Variants in ENTPD5 observed in about 807,000 individuals in gnomAD.
The protein encoded by ENTPD5 is nucleoside diphosphate phosphatase ENTPD5.
A neutral mutation model predicts 60.2 loss-of-function variants in ENTPD5; 49 were observed. That is an observed-to-expected ratio of 0.81 (90% CI 0.65 to 1.03). The LOEUF is 1.03. Ranked by LOEUF, ENTPD5 falls within the 50% of genes least tolerant of loss-of-function variation. The pLI is 0.00. For missense variants in ENTPD5, 480 were observed against 507.6 expected (o/e 0.95, Z 0.52); for synonymous variants, 187 against 185.4 (o/e 1.01, Z -0.07).
intron 14 of ENTPD5, among the ~76,000 whole-genome samples, chr14:73,971,097 A>C (rs1162870269): frequency 6.6e-6 from 1 of 152,074 alleles, no homozygotes; most frequent in Non-Finnish European, 1.5e-5. Context: ...TTTAAAAAAG[A>C]AAGCAAGAAA....
intron 5 of ENTPD5, among the ~76,000 whole-genome samples, chr14:73,984,186 C>T (rs1243933078): frequency 6.6e-6 from 1 of 152,178 alleles, no homozygotes; most frequent in Non-Finnish European, 1.5e-5. Context: ...CGCCACAGCA[C>T]CTGGCTGATT....
chr14:73,976,191 C>T (rs2057436412), intron 9 of ENTPD5, 133 bp downstream of exon 9: 1 of 849,276 alleles, frequency 1.2e-6, no homozygotes, highest in Admixed American at 2.2e-5. Flanking sequence ...AGGGAACATT[C>T]ACCTAGTTAT....
chr14:73,958,214 C>T (rs767117446), downstream of ENTPD5: 46 of 1,613,934 alleles, frequency 2.9e-5, no homozygotes, highest in South Asian at 2.1e-4. Flanking sequence ...TTCCTATGGC[C>T]GACTCCAGCC....
chr14:73,988,116 T>C lies in ENTPD5; in HGVS notation c.-14A>G. ...AGAAGTGGCCATTCTTTTCCCAAGA[T>C]GTGGCTGGGTGGAGGCTTTTGTTGC... On this transcript the variant is annotated 5_prime_UTR_variant, in exon 4 of 16. Transcript: ENST00000334696. The C allele has an allele frequency of 1.3e-6, 2 of 1,599,134 alleles. No homozygotes were observed. Among genetic ancestry groups the C allele is most frequent in the Middle Eastern group, 2.2e-4 (1 of 4,634 alleles).
At chr14:73,972,747 C>T in intron 13 of ENTPD5, 137 bp downstream of exon 13, 1 of 1,005,688 alleles carries the variant, frequency 9.9e-7, no homozygotes, top group South Asian at 1.8e-5. Flanking sequence ...AAGTCATTTC[C>T]ACCCTTTTGT....
intron 5 of ENTPD5, among the ~76,000 whole-genome samples, chr14:73,985,944 T>C (rs2057884045): frequency 6.6e-6 from 1 of 151,622 alleles, no homozygotes; most frequent in South Asian, 2.1e-4. Flanking sequence ...TGGTGGCACA[T>C]GCCTGTAGTC....
downstream of ENTPD5, chr14:73,959,579 TTG>T (rs1594806495): frequency 4.3e-6 from 7 of 1,612,888 alleles, no homozygotes; most frequent in Middle Eastern, 1.7e-4. Context: ...CAGAAAGGTG[TTG>T]TTTTTTTTTT....
At chr14:74,004,269 G>C (rs1302117460) in intron 3 of ENTPD5, among the ~76,000 whole-genome samples, 4 of 152,058 alleles carry the variant, frequency 2.6e-5, no homozygotes, top group African/African-American at 7.2e-5. Context: ...CTGGGTTCAA[G>C]TGATTCTCCT....
intron 11 of ENTPD5, 114 bp from the exon 12 acceptor site, chr14:73,974,092 C>A: frequency 1.3e-6 from 1 of 772,582 alleles, no homozygotes; most frequent in Non-Finnish European, 2.2e-6. Context: ...GCCTTAAAAT[C>A]CTATGAAATT....
In ENTPD5 at chr14:73,984,923, G is replaced by A. The variant is rs966317483; in HGVS notation, c.298-1762C>T. On this transcript the variant is annotated intron_variant, in intron 5 of 15. Transcript: ENST00000334696. ...CTCCCGCCACCCCACGACAGGCCCCGGTGTGTGATGTTCCCCACCCTGTGT... is the reference window on the plus strand; with the variant it reads ...CTCCCGCCACCCCACGACAGGCCCCAGTGTGTGATGTTCCCCACCCTGTGT... Among the ~76,000 whole-genome samples, 11 of 152,110 alleles carry A rather than the reference G, an allele frequency of 7.2e-5. No individual in the cohort carries two copies. The East Asian group carries it at 7.7e-4, about 11-fold the overall frequency.
In ENTPD5 at chr14:73,983,116, T is replaced by C. The variant is rs2057758555; in HGVS notation, c.343A>G (p.Ile115Val). 2 of 1,614,030 alleles carry C rather than the reference T, an allele frequency of 1.2e-6. No homozygotes were observed. The highest frequency in any genetic ancestry group is 3.3e-5 in the Admixed American group (2 of 59,998). The change falls in exon 6 of 16, where the codon ATC becomes GTC. Residue 115 changes from isoleucine to valine, a missense_variant. By Grantham distance (29) the Ile-to-Val change is conservative (BLOSUM62 3). Coordinates refer to ENST00000334696, the MANE Select transcript of ENTPD5 (RefSeq NM_001249.5). ...GTCTTTTTCCAGTGACTTCGGGGGA[T>C]TGAGTCTTTGGCCACCTCTAAGAGC... ...QGLLEVAKDS[I>V]PRSHWKKTPV...
chr14:74,018,889 G>A (rs45538635), intron 1 of ENTPD5: 15,318 of 152,604 alleles, frequency 0.1, 840 homozygotes, highest in South Asian at 0.18. Flanking sequence ...AATCAGCAAG[G>A]GTGAAAAGCC....
At chr14:73,962,640 G>T, downstream of ENTPD5, 1 of 253,484 alleles carries the variant, frequency 3.9e-6, no homozygotes, top group Non-Finnish European at 7.5e-6. Context: ...TCATCCCTGA[G>T]AACTTCCATT....
intron 1 of ENTPD5, among the ~76,000 whole-genome samples, chr14:74,017,045 G>A (rs78010061): frequency 0.011 from 1,704 of 152,328 alleles, 37 homozygotes; most frequent in African/African-American, 0.038. Context: ...TCGGCCAGGC[G>A]TGGTGGCTCA....
chr14:73,962,872 G>T, downstream of ENTPD5: 1 of 1,025,716 alleles, frequency 9.7e-7, no homozygotes, highest in South Asian at 1.4e-5. Context: ...ATAAAACAAG[G>T]ACACTTGGGA....
intron 12 of ENTPD5, 108 bp from the exon 13 acceptor site, chr14:73,973,132 G>A: frequency 7.6e-7 from 1 of 1,313,182 alleles, no homozygotes; most frequent in Non-Finnish European, 1.1e-6. Context: ...GAAGGTCAAG[G>A]AAAGCAGGAG....
chr14:74,017,002 G>T (rs1223907389), intron 1 of ENTPD5, among the ~76,000 whole-genome samples: 1 of 152,172 alleles, frequency 6.6e-6, no homozygotes, highest in East Asian at 1.9e-4. Context: ...GAGTGTGAAA[G>T]TATACCAGAA....
chr14:73,962,876 C>A, downstream of ENTPD5: 1 of 1,077,988 alleles, frequency 9.3e-7, no homozygotes. Flanking sequence ...AACAAGGACA[C>A]TTGGGAAGAA....
chr14:73,976,261 T>C, intron 9 of ENTPD5, 63 bp downstream of exon 9: 11 of 1,455,908 alleles, frequency 7.6e-6, no homozygotes, highest in Non-Finnish European at 1.1e-5. Flanking sequence ...GGGCGCCTCT[T>C]TCTTGGCACC....
Sources: gnomAD v4.1 joint callset for allele counts (sites outside exome capture counted in the v4.1 genomes callset) on GRCh38, gnomAD v4.1.1 for gene constraint, MANE v1.5 for transcripts, NCBI Gene and HGNC (gene_info 2026-07-23, HGNC 2026-07-21) for gene names.